AOC2: variants seen among roughly 807,000 people sequenced by gnomAD.
AOC2 encodes the protein amine oxidase copper containing 2, also known as amine oxidase [copper-containing] 2.
A neutral mutation model predicts 53.8 loss-of-function variants in AOC2; 57 were observed. The observed-to-expected ratio is 1.06, with a 90% CI of 0.86 to 1.32. AOC2 has a LOEUF of 1.32. Among genes scored for constraint, AOC2 ranks in the 40% most tolerant of loss-of-function variants. The probability of loss-of-function intolerance (pLI) is 0.00; values close to 1 mark genes in which losing one functional copy is unlikely to be tolerated. For missense variants in AOC2, 1,008 were observed against 957.2 expected (o/e 1.05, Z -0.70); for synonymous variants, 404 against 399.0 (o/e 1.01, Z -0.15).
At position 42,850,515 on chromosome 17, in the gene AOC2, C is replaced by A. The variant is rs1439892928; in HGVS notation, c.*167C>A. 4.3e-6 allele frequency: 3 copies of A among 697,622 alleles called. No homozygotes were observed. Among genetic ancestry groups the A allele is most frequent in the African/African-American group, 1.8e-5 (1 of 55,462 alleles). 43.2% of individuals were successfully genotyped at this position (697,622 alleles called of 1,614,324 possible). On this transcript the variant is annotated 3_prime_UTR_variant, in exon 4 of 4. Transcript: ENST00000253799. ...CTTTGGTTAATTCTTACTTCCTGTT[C>A]ATCTCTAAAGTGTTAAATTATAAAA...
At chr17:42,849,512 G>A (rs1597963955) in intron 2 of AOC2, 89 bp from the exon 3 acceptor site, 3 of 1,602,432 alleles carry the variant, frequency 1.9e-6, no homozygotes, top group East Asian at 2.2e-5. Context: ...GTGGGAAATG[G>A]TCTCACACAG....
At chr17:42,846,295 C>T in intron 1 of AOC2, 81 bp downstream of exon 1, 2 of 1,436,482 alleles carry the variant, frequency 1.4e-6, no homozygotes, top group South Asian at 2.9e-5. Flanking sequence ...TCTCCCAGGT[C>T]AAGCTGAAAT....
In AOC2 at chr17:42,845,517, G is replaced by T. The variant is rs200961065; in HGVS notation, c.891G>T (p.Arg297Ser). 180 of 1,614,066 alleles carry T rather than the reference G, an allele frequency of 1.1e-4. No homozygotes were observed. The highest frequency in any genetic ancestry group is 1.5e-4 in the Non-Finnish European group (174 of 1,180,032). The change falls in exon 1 of 4, where the codon AGG becomes AGT. Residue 297 changes from arginine (R) to serine (S), a missense_variant. Transcript: ENST00000253799. ...CACCAAATGGAGCTTCATCCCTGAGGTCTCGGAACTCTCCAGGTCCTCTTC... is the reference window on the plus strand; with the variant it reads ...CACCAAATGGAGCTTCATCCCTGAGTTCTCGGAACTCTCCAGGTCCTCTTC... ...LPPPNGASSL[R>S]SRNSPGPLPP... is the part of the protein sequence containing the mutation.
chr17:42,845,103 C>T lies in AOC2; in HGVS notation c.477C>T (p.Pro159=). 1 of 1,613,702 alleles carries T rather than the reference C, an allele frequency of 6.2e-7. No individual in the cohort carries two copies. The highest frequency in any genetic ancestry group is 8.5e-7 in the Non-Finnish European group (1 of 1,180,034). The change falls in exon 1 of 4, where the codon CCC becomes CCT. Residue 159 remains proline, a synonymous_variant. Transcript: ENST00000253799. ...TGACTGTGGAGCGTCACGGCGGGCC[C>T]CTGCCCTATCACCGTCGCCCGGTGC... ...RDVTVERHGG[P]LPYHRRPVLR... is the part of the protein sequence containing the mutation.
At chr17:42,849,496 T>TA in intron 2 of AOC2, 105 bp from the exon 3 acceptor site, 1 of 1,590,942 alleles carries the variant, frequency 6.3e-7, no homozygotes, top group Non-Finnish European at 8.6e-7. Context: ...CCAAGTTAGA[T>TA]ACACGGTGGG....
In AOC2 at chr17:42,849,369, G is replaced by C. The variant is rs775533195; in HGVS notation, c.1872G>C (p.Gly624=). 2.4e-5 allele frequency: 38 copies of C among 1,610,428 alleles called. No homozygotes were observed. Among genetic ancestry groups the C allele is most frequent in the Non-Finnish European group, 2.8e-5 (33 of 1,177,180 alleles). Residue 624 remains glycine (G), a splice_region_variant and synonymous_variant, in exon 2 of 4, where the codon GGG becomes GGC. Coordinates refer to ENST00000253799, the MANE Select transcript of AOC2 (RefSeq NM_009590.4). ...ESDMERALSW[G]RYQLVVTQRK... is the part of the protein sequence containing the mutation. ...ACATGGAGAGGGCCCTCAGCTGGGG[G>C]AGGTGAGGAGGGCCCTGGCCTGGGT... is the stretch of plus-strand genomic sequence containing the variant.
chr17:42,846,052 A>G lies in AOC2; in HGVS notation c.1426A>G (p.Asn476Asp). ...CATTTGGGACTTTGTGTTGTACCCA[A>G]ATGGGGCACTTGAAGGGCGGGTCCA... ...DYIWDFVLYPNGALEGRVHAT... is the reference protein window; with the variant it reads ...DYIWDFVLYPDGALEGRVHAT... Residue 476 changes from asparagine to aspartate, a missense_variant, in exon 1 of 4, where the codon AAT becomes GAT. Transcript: ENST00000253799. 2 of 1,610,162 alleles carry G rather than the reference A, an allele frequency of 1.2e-6. No individual in the cohort carries two copies. The highest frequency in any genetic ancestry group is 1.7e-6 in the Non-Finnish European group (2 of 1,176,812).
intron 2 of AOC2, 46 bp from the exon 3 acceptor site, chr17:42,849,555 G>A: frequency 6.2e-7 from 1 of 1,614,026 alleles, no homozygotes; most frequent in Non-Finnish European, 8.5e-7. Flanking sequence ...GGCCAGTAAA[G>A]GCACTTGACA....
chr17:42,850,217 T>TTC lies in AOC2; in HGVS notation c.2143_2144dup (p.Gly717LeufsTer92). On this transcript the variant is annotated frameshift_variant, in exon 4 of 4. Transcript: ENST00000253799. LOFTEE classifies it low-confidence loss of function (END_TRUNC). ...CTTCTTTGATGAGGACCCCTCCATC[T>TTC]TCTCCCCTGGCAGTGTCTACTTTGA... 1 of 1,614,208 alleles carries TTC rather than the reference T, an allele frequency of 6.2e-7. No homozygotes were observed. Among genetic ancestry groups the TTC allele is most frequent in the Middle Eastern group, 1.6e-4 (1 of 6,062 alleles).
At chr17:42,848,487 GGGCACTTCAAGTGT>G in intron 1 of AOC2, among the ~76,000 whole-genome samples, 4 of 148,304 alleles carry the variant, frequency 2.7e-5, no homozygotes, top group African/African-American at 1.0e-4. Flanking sequence ...TGTGGCAACT[GGGCACTTCAAGTGT>G]GGCTAGTGTG....
At chr17:42,846,622 C>T (rs2055601710) in intron 1 of AOC2, among the ~76,000 whole-genome samples, 2 of 152,096 alleles carry the variant, frequency 1.3e-5, no homozygotes, top group South Asian at 2.1e-4. Context: ...GGTCCTGAGC[C>T]GAGGTCGGAA....
chr17:42,845,901 A>T lies in AOC2; in HGVS notation c.1275A>T (p.Val425=). 6.2e-7 allele frequency: 1 copy of T among 1,614,050 alleles called. No homozygotes were observed. Among genetic ancestry groups the T allele is most frequent in the East Asian group, 2.2e-5 (1 of 44,868 alleles). ...AVQLLPGAVC[V]FEEAQGLPLR... is the part of the protein sequence containing the mutation. ...AGCTGCTTCCAGGGGCTGTGTGTGT[A>T]TTTGAGGAAGCCCAGGGACTGCCCC... Residue 425 remains valine (V), a synonymous_variant, in exon 1 of 4, where the codon GTA becomes GTT. Transcript: ENST00000253799.
Position 42,845,892 on chromosome 17 carries a change from T to G in AOC2, c.1266T>G (p.Ala422=), listed in dbSNP as rs2055594906. Residue 422 remains alanine, a synonymous_variant, in exon 1 of 4, where the codon GCT becomes GCG. Coordinates refer to ENST00000253799, the MANE Select transcript of AOC2 (RefSeq NM_009590.4). ...GGGCAGTCCAGCTGCTTCCAGGGGCTGTGTGTGTATTTGAGGAAGCCCAGG... is the reference window on the plus strand; with the variant it reads ...GGGCAGTCCAGCTGCTTCCAGGGGCGGTGTGTGTATTTGAGGAAGCCCAGG... ...GKGAVQLLPG[A]VCVFEEAQGL... 6.2e-7 allele frequency: 1 copy of G among 1,613,930 alleles called. No individual in the cohort carries two copies.
intron 2 of AOC2, 37 bp downstream of exon 2, chr17:42,849,408 A>G: frequency 6.3e-7 from 1 of 1,599,668 alleles, no homozygotes. Flanking sequence ...AGGAAAGGAC[A>G]GCCCCTCCCC....
At chr17:42,849,460 A>T in intron 2 of AOC2, 89 bp downstream of exon 2, 1 of 1,576,714 alleles carries the variant, frequency 6.3e-7, no homozygotes, top group Non-Finnish European at 8.6e-7. Context: ...CACGGCTACC[A>T]TTCATCCCTG....
rs966225347 is a variant in AOC2, at chr17:42,848,524, A to AATATATATATATATATATATAC, written c.1589-541_1589-520dup. Among the ~76,000 whole-genome samples the AATATATATATATATATATATAC allele has an allele frequency of 2.3e-5, 3 of 131,288 alleles. No individual in the cohort carries two copies. In the Admixed American group the frequency reaches 2.3e-4, roughly 10 times the overall value. The allele number at this position is 131,288 out of a possible 152,430, so 86.1% of individuals were successfully genotyped here. On this transcript the variant is annotated intron_variant, in intron 1 of 3. Coordinates refer to ENST00000253799, the MANE Select transcript of AOC2 (RefSeq NM_009590.4). ...TGTGGCTAGTGTGACAGAGGAACTG[A>AATATATATATATATATATATAC]ATATATATATATATATATATACATA...
rs145620365 is a variant in AOC2 at position 42,845,559 on chromosome 17, G to A, written c.933G>A (p.Ser311=). The A allele has an allele frequency of 3.2e-5, 52 of 1,614,112 alleles. No homozygotes were observed. The South Asian group carries it at 4.6e-4, about 14-fold the overall frequency. Residue 311 remains serine (S), a synonymous_variant, in exon 1 of 4, where the codon TCG becomes TCA. Transcript: ENST00000253799. ...GTCCTCTTCCCCCTCTTCAGTTCTC[G>A]CCCCAGGGTTCCCAGTACAGTGTGC... The part of the protein sequence containing the change: ...SPGPLPPLQF[S]PQGSQYSVQG...
chr17:42,845,844 C>T lies in AOC2; in HGVS notation c.1218C>T (p.Asp406=). ...VDCPYQATMV[D]IHILVGKGAV... The stretch of plus-strand genomic sequence containing the variant: ...GCCCCTATCAAGCCACGATGGTGGA[C>T]ATCCATATATTAGTGGGCAAAGGGG... The change falls in exon 1 of 4, where the codon GAC becomes GAT. Residue 406 remains aspartate, a synonymous_variant. Transcript: ENST00000253799. 1.2e-6 allele frequency: 2 copies of T among 1,614,162 alleles called. No homozygotes were observed. The highest frequency in any genetic ancestry group is 1.7e-6 in the Non-Finnish European group (2 of 1,180,032).
At position 42,850,431 on chromosome 17, in the gene AOC2, C is replaced by A. The variant is rs559625786; in HGVS notation, c.*83C>A. ...TTCTATTCTCCGTGTTTTTATCACACCTGCTCCCCAGATTCCCACCCCCTC... is the reference window on the plus strand; with the variant it reads ...TTCTATTCTCCGTGTTTTTATCACAACTGCTCCCCAGATTCCCACCCCCTC... On this transcript the variant is annotated 3_prime_UTR_variant, in exon 4 of 4. Transcript: ENST00000253799. 13 of 1,471,824 alleles carry A rather than the reference C, an allele frequency of 8.8e-6. No homozygotes were observed. The highest frequency in any genetic ancestry group is 1.2e-5 in the Non-Finnish European group (13 of 1,107,468). The allele number at this position is 1,471,824 out of a possible 1,614,324, so 91.2% of individuals were successfully genotyped here.
Sources: allele counts gnomAD v4.1 joint callset (sites outside exome capture counted in the v4.1 genomes callset), GRCh38; gene constraint gnomAD v4.1.1; transcripts MANE v1.5; gene names NCBI Gene and HGNC (gene_info 2026-07-23, HGNC 2026-07-21).